ITPR1: variants seen among roughly 807,000 people sequenced by gnomAD.
The protein encoded by ITPR1 is inositol 1,4,5-trisphosphate receptor type 1.
A neutral mutation model predicts 318.4 loss-of-function variants in ITPR1; 96 were observed. The observed-to-expected ratio is 0.30, with a 90% CI of 0.26 to 0.36. The LOEUF (loss-of-function observed/expected upper bound fraction) is 0.36. ITPR1 is among the 10% of genes least tolerant of loss of function. The pLI, the probability that ITPR1 is intolerant of heterozygous loss-of-function variation, is 1.00. For missense variants in ITPR1, 2,440 were observed against 3,460.2 expected (o/e 0.71, Z 7.40); for synonymous variants, 1,312 against 1,289.9 (o/e 1.02, Z -0.37).
intron 24 of ITPR1, among the ~76,000 whole-genome samples, chr3:4,677,269 A>G (rs561884161): frequency 1.3e-5 from 2 of 152,354 alleles, no homozygotes; most frequent in Admixed American, 6.5e-5. Context: ...AATGAAAAAA[A>G]TAGATGAAAT....
rs547955649 is a variant in ITPR1 at position 4,835,445 on chromosome 3, G to A, written c.8029-1329G>A. 1.7e-3 allele frequency among the ~76,000 whole-genome samples: 256 copies of A among 152,228 alleles called. 3 individuals are homozygous for A. The South Asian group carries it at 0.026, about 15-fold the overall frequency. On this transcript the variant is annotated intron_variant, in intron 60 of 61. Coordinates refer to ENST00000649015, the MANE Select transcript of ITPR1 (RefSeq NM_001378452.1). ...TTACTGGTTGTTTGGGGGGTATAAC[G>A]GAGTAGCTGAGTAGTTGTGACAGAG...
chr3:4,827,528 A>G (rs1157518899), intron 60 of ITPR1, among the ~76,000 whole-genome samples: 1 of 152,334 alleles, frequency 6.6e-6, no homozygotes, highest in Non-Finnish European at 1.5e-5. Context: ...GTATTTAGGG[A>G]TAGTCATTTG....
chr3:4,615,987 T>C (rs1028804463), intron 4 of ITPR1, among the ~76,000 whole-genome samples: 7 of 152,336 alleles, frequency 4.6e-5, no homozygotes, highest in Middle Eastern at 6.8e-3. Flanking sequence ...CTATGTTTTT[T>C]GCAGATGGGT....
At chr3:4,684,428 TAC>T (rs2094355039) in intron 29 of ITPR1, 82 bp downstream of exon 29, 1 of 987,286 alleles carries the variant, frequency 1.0e-6, no homozygotes, top group East Asian at 2.5e-5. Context: ...AAGTTGAAGG[TAC>T]ACACATTTGA....
intron 4 of ITPR1, among the ~76,000 whole-genome samples, chr3:4,568,795 T>C (rs890297300): frequency 6.6e-6 from 1 of 152,202 alleles, no homozygotes. Flanking sequence ...TGTATTAGGC[T>C]TTTCTTGCAT....
intron 55 of ITPR1, among the ~76,000 whole-genome samples, chr3:4,810,475 G>T (rs1411229103): frequency 1.3e-5 from 2 of 152,216 alleles, no homozygotes; most frequent in Non-Finnish European, 2.9e-5. Context: ...CAGAGGGCAA[G>T]CCTGGATTGT....
chr3:4,512,493 T>A (rs1392954543), intron 2 of ITPR1, among the ~76,000 whole-genome samples: 1 of 152,188 alleles, frequency 6.6e-6, no homozygotes, highest in Non-Finnish European at 1.5e-5. Context: ...TCACCTTTTT[T>A]CATCAGGGGA....
intron 14 of ITPR1, among the ~76,000 whole-genome samples, chr3:4,661,374 T>A (rs1163504093): frequency 2.0e-5 from 3 of 152,228 alleles, no homozygotes; most frequent in African/African-American, 7.2e-5. Context: ...GTCTGAAGGA[T>A]AATTTGGGCT....
intron 4 of ITPR1, among the ~76,000 whole-genome samples, chr3:4,572,325 A>G (rs976413390): frequency 6.6e-6 from 1 of 152,226 alleles, no homozygotes; most frequent in Non-Finnish European, 1.5e-5. Context: ...GTCTTTTCTC[A>G]GTAAATGGCA....
intron 43 of ITPR1, among the ~76,000 whole-genome samples, chr3:4,733,717 G>A (rs1051166986): frequency 6.6e-6 from 1 of 152,158 alleles, no homozygotes; most frequent in East Asian, 1.9e-4. Flanking sequence ...AGAGGAAATG[G>A]AAGCTTGTTA....
At chr3:4,757,712 A>G (rs1332684306) in intron 44 of ITPR1, among the ~76,000 whole-genome samples, 1 of 152,206 alleles carries the variant, frequency 6.6e-6, no homozygotes, top group Middle Eastern at 3.2e-3. Context: ...GGTGCTTCTG[A>G]GGATGAAATG....
intron 4 of ITPR1, among the ~76,000 whole-genome samples, chr3:4,620,801 T>C (rs1559552334): frequency 6.6e-6 from 1 of 152,020 alleles, no homozygotes; most frequent in Non-Finnish European, 1.5e-5. Context: ...AATTATTTTT[T>C]GAATTTGAAT....
chr3:4,601,364 C>T (rs778162374), intron 4 of ITPR1, among the ~76,000 whole-genome samples: 1 of 151,332 alleles, frequency 6.6e-6, no homozygotes, highest in Non-Finnish European at 1.5e-5. Flanking sequence ...GCAAAAAATA[C>T]AAAAATTAGC....
chr3:4,747,123 G>C (rs181002205), intron 44 of ITPR1, among the ~76,000 whole-genome samples: 11 of 152,302 alleles, frequency 7.2e-5, no homozygotes, highest in Admixed American at 7.2e-4. Context: ...ATGTCAACTT[G>C]GAGAAATAGC....
chr3:4,636,561 T>A (rs1022216805), intron 5 of ITPR1, among the ~76,000 whole-genome samples: 3 of 152,200 alleles, frequency 2.0e-5, no homozygotes, highest in African/African-American at 7.2e-5. Flanking sequence ...CCCAAGTAGC[T>A]GGGACTACAG....
intron 4 of ITPR1, among the ~76,000 whole-genome samples, chr3:4,596,368 CTG>C (rs1384586682): frequency 6.6e-6 from 1 of 152,136 alleles, no homozygotes; most frequent in Admixed American, 6.5e-5. Flanking sequence ...TATGTCTACT[CTG>C]TATTTATCAT....
intron 4 of ITPR1, among the ~76,000 whole-genome samples, chr3:4,620,653 G>T (rs2092591140): frequency 6.8e-6 from 1 of 147,988 alleles, no homozygotes; most frequent in African/African-American, 2.5e-5. Flanking sequence ...GATGGAGTTG[G>T]GTTTTTTCTT....
intron 4 of ITPR1, among the ~76,000 whole-genome samples, chr3:4,551,839 C>G (rs968504430): frequency 6.6e-6 from 1 of 152,200 alleles, no homozygotes; most frequent in African/African-American, 2.4e-5. Flanking sequence ...CCAGTCGTAT[C>G]TTATTTTTTG....
chr3:4,843,805 C>T (rs184740745), intron 61 of ITPR1, among the ~76,000 whole-genome samples: 9 of 152,188 alleles, frequency 5.9e-5, no homozygotes, highest in African/African-American at 1.4e-4. Context: ...GGCATCAGGC[C>T]GCGGCTGTGG....
Sources: allele counts gnomAD v4.1 joint callset (sites outside exome capture counted in the v4.1 genomes callset), GRCh38; gene constraint gnomAD v4.1.1; transcripts MANE v1.5; gene names NCBI Gene and HGNC (gene_info 2026-07-23, HGNC 2026-07-21).